LPP: variants seen among roughly 807,000 people sequenced by gnomAD.
The protein encoded by LPP is LIM domain containing preferred translocation partner in lipoma, also known as lipoma-preferred partner.
In LPP, 38 loss-of-function variants were observed where a neutral mutation model predicts 60.4. The observed-to-expected ratio is 0.63, with a 90% CI of 0.49 to 0.83. The LOEUF is 0.83. Among genes scored for constraint, LPP ranks in the 40% least tolerant of loss-of-function variants. The probability of loss-of-function intolerance (pLI) is 0.00; values close to 1 mark genes in which losing one functional copy is unlikely to be tolerated. For synonymous variants in LPP, 328 were observed against 290.8 expected (o/e 1.13, Z -1.30); for missense variants, 902 against 783.6 (o/e 1.15, Z -1.80).
Position 188,524,882 on chromosome 3 carries a change from TCC to T in LPP, c.429+96_429+97del. ...CTGCACCTGAGAGCTTATTTCCCCT[TCC>T]TTCCTTCCGTCCGTCCTTCCTTCCT... On this transcript the variant is annotated intron_variant, in intron 6 of 11. Coordinates refer to ENST00000617246, the MANE Select transcript of LPP (RefSeq NM_001375462.1). 2.3e-5 allele frequency: 5 copies of T among 217,888 alleles called. No homozygotes were observed. In the East Asian group the frequency reaches 7.1e-3, roughly 309 times the overall value. The allele number at this position is 217,888 out of a possible 1,614,324, so 13.5% of individuals were successfully genotyped here.
intron 1 of LPP, among the ~76,000 whole-genome samples, chr3:188,208,528 C>T (rs1016833480): frequency 6.6e-6 from 1 of 152,336 alleles, no homozygotes; most frequent in Middle Eastern, 3.4e-3. Context: ...TAGCTCCTTA[C>T]TGTATGTTTA....
rs1560628311 is a variant in LPP at position 188,607,384 on chromosome 3, T to TAG, written c.430-1776_430-1775insGA. 5.9e-3 allele frequency among the ~76,000 whole-genome samples: 108 copies of TAG among 18,304 alleles called. 1 individual carries two copies. Among genetic ancestry groups the TAG allele is most frequent in the African/African-American group, 0.022 (106 of 4,840 alleles). The allele number at this position is 18,304 out of a possible 152,430, so 12.0% of individuals were successfully genotyped here. ...TGAAAATAGAAGATATATATATATATATATATATATATATATATATATATA... is the reference window on the plus strand; with the variant it reads ...TGAAAATAGAAGATATATATATATATAGATATATATATATATATATATATATA... On this transcript the variant is annotated intron_variant, in intron 6 of 11. Coordinates refer to ENST00000617246, the MANE Select transcript of LPP (RefSeq NM_001375462.1).
intron 5 of LPP, among the ~76,000 whole-genome samples, chr3:188,511,920 G>T (rs1240851407): frequency 6.6e-6 from 1 of 152,088 alleles, no homozygotes; most frequent in Admixed American, 6.5e-5. Context: ...CTGGCTTGTA[G>T]GATATTTCCT....
intron 1 of LPP, among the ~76,000 whole-genome samples, chr3:188,154,628 A>G (rs1050223086): frequency 2.0e-5 from 3 of 152,206 alleles, no homozygotes; most frequent in Non-Finnish European, 4.4e-5. Context: ...CCCATTTTAC[A>G]GTTGGGGCAG....
intron 1 of LPP, among the ~76,000 whole-genome samples, chr3:188,202,096 A>G (rs1209458240): frequency 6.6e-6 from 1 of 151,772 alleles, no homozygotes; most frequent in Non-Finnish European, 1.5e-5. Flanking sequence ...AAGCACTTGG[A>G]CTTCCCCTGT....
At chr3:188,691,285 G>A (rs1400107288) in intron 7 of LPP, among the ~76,000 whole-genome samples, 6 of 152,220 alleles carry the variant, frequency 3.9e-5, no homozygotes, top group Admixed American at 3.9e-4. Context: ...TAGCTGACTG[G>A]TGAAGGCCAT....
intron 9 of LPP, among the ~76,000 whole-genome samples, chr3:188,804,004 A>G (rs1298145358): frequency 2.0e-5 from 3 of 151,532 alleles, no homozygotes; most frequent in Admixed American, 1.3e-4. Flanking sequence ...TCAGCGTAGG[A>G]ATATTGTACA....
intron 9 of LPP, among the ~76,000 whole-genome samples, chr3:188,774,412 A>T (rs1317541226): frequency 4.2e-5 from 6 of 141,296 alleles, no homozygotes; most frequent in Non-Finnish European, 7.7e-5. Context: ...ATAGACTATG[A>T]GCTCCTTAGG....
At chr3:188,215,690 C>T (rs975555380) in intron 1 of LPP, among the ~76,000 whole-genome samples, 10 of 152,080 alleles carry the variant, frequency 6.6e-5, no homozygotes, top group Admixed American at 1.3e-4. Flanking sequence ...TATTTTTTAA[C>T]CTCCATGTTA....
At chr3:188,657,258 G>GCATATATATATATATATATATATA (rs5741613) in intron 7 of LPP, among the ~76,000 whole-genome samples, 1 of 89,812 alleles carries the variant, frequency 1.1e-5, no homozygotes, top group African/African-American at 4.1e-5. Flanking sequence ...CTGTCAAGGT[G>GCATATATATATATATATATATATA]TATATATATA....
chr3:188,355,268 A>G (rs1767254532), intron 3 of LPP, among the ~76,000 whole-genome samples: 1 of 152,072 alleles, frequency 6.6e-6, no homozygotes, highest in South Asian at 2.1e-4. Flanking sequence ...CGGCCTCCCA[A>G]AGTGCTGGGA....
At chr3:188,844,609 G>A (rs1165963366) in intron 9 of LPP, among the ~76,000 whole-genome samples, 2 of 152,142 alleles carry the variant, frequency 1.3e-5, no homozygotes, top group Non-Finnish European at 2.9e-5. Context: ...TCATATATTA[G>A]TCAAAAATTC....
chr3:188,354,600 T>C (rs1007253566), intron 3 of LPP, among the ~76,000 whole-genome samples: 2 of 152,196 alleles, frequency 1.3e-5, no homozygotes, highest in Non-Finnish European at 2.9e-5. Context: ...AAAGTGAAAC[T>C]TTAGAAAATT....
At position 188,317,828 on chromosome 3, in the gene LPP, G is replaced by C. The variant is rs551746904; in HGVS notation, c.-66-23835G>C. Among the ~76,000 whole-genome samples, 12 of 152,244 alleles carry C rather than the reference G, an allele frequency of 7.9e-5. No individual in the cohort carries two copies. The South Asian group carries it at 2.5e-3, about 32-fold the overall frequency. On this transcript the variant is annotated intron_variant, in intron 2 of 11. Coordinates refer to ENST00000617246, the MANE Select transcript of LPP (RefSeq NM_001375462.1). Reference sequence around the variant, plus strand: ...GCTCTGAGGGGATGGTGCACAGGGAGAAAAGAGAGAATCTCAGGAATTGAA... The same window carrying C: ...GCTCTGAGGGGATGGTGCACAGGGACAAAAGAGAGAATCTCAGGAATTGAA...
At chr3:188,659,145 G>T (rs1854011999) in intron 7 of LPP, among the ~76,000 whole-genome samples, 1 of 152,150 alleles carries the variant, frequency 6.6e-6, no homozygotes, top group Admixed American at 6.5e-5. Flanking sequence ...AAAATAACCT[G>T]TTAGGTAGCA....
chr3:188,314,747 G>A (rs1030290990), intron 2 of LPP, among the ~76,000 whole-genome samples: 2 of 152,078 alleles, frequency 1.3e-5, no homozygotes, highest in Non-Finnish European at 2.9e-5. Flanking sequence ...CTTGAACCCG[G>A]GAGGCAGAGT....
At chr3:188,643,072 G>A (rs1850466959) in intron 7 of LPP, among the ~76,000 whole-genome samples, 1 of 152,158 alleles carries the variant, frequency 6.6e-6, no homozygotes, top group South Asian at 2.1e-4. Flanking sequence ...TTGAGACTAG[G>A]AATGAATGAG....
chr3:188,377,927 C>A (rs915214009), intron 3 of LPP, among the ~76,000 whole-genome samples: 3 of 152,168 alleles, frequency 2.0e-5, no homozygotes, highest in African/African-American at 2.4e-5. Flanking sequence ...TTCTAACAGA[C>A]AGGACCCTCA....
intron 10 of LPP, among the ~76,000 whole-genome samples, chr3:188,867,110 C>T (rs1766837179): frequency 6.6e-6 from 1 of 151,964 alleles, no homozygotes; most frequent in Non-Finnish European, 1.5e-5. Context: ...TCTGTCCCCA[C>T]TACTTCATTT....
Sources: gnomAD v4.1 joint callset for allele counts (sites outside exome capture counted in the v4.1 genomes callset) on GRCh38, gnomAD v4.1.1 for gene constraint, MANE v1.5 for transcripts, NCBI Gene and HGNC (gene_info 2026-07-23, HGNC 2026-07-21) for gene names.